Variants in PER3 observed in about 807,000 individuals in gnomAD.
PER3 encodes the protein period circadian protein homolog 3.
In PER3, 107 loss-of-function variants were observed where a neutral mutation model predicts 127.2. The ratio of observed to expected loss-of-function variants is 0.84; its 90% CI spans 0.72 to 0.99. PER3 has a LOEUF of 0.99. Ranked by LOEUF, PER3 falls within the 50% of genes least tolerant of loss-of-function variation. The probability of loss-of-function intolerance (pLI) is 0.00; values close to 1 mark genes in which losing one functional copy is unlikely to be tolerated. For synonymous variants in PER3, 618 were observed against 585.8 expected (o/e 1.05, Z -0.79); for missense variants, 1,560 against 1,525.8 (o/e 1.02, Z -0.37).
chr1:7,810,379 A>G (rs942579426), intron 12 of PER3, 59 bp from the exon 13 acceptor site: 4 of 1,227,852 alleles, frequency 3.3e-6, no homozygotes, highest in African/African-American at 3.0e-5. Context: ...TTGTTTATGT[A>G]TCTTTTAGTG....
intron 14 of PER3, 147 bp downstream of exon 14, chr1:7,819,567 C>T (rs10462018): frequency 0.13 from 90,577 of 687,684 alleles, 7,156 homozygotes; most frequent in African/African-American, 0.16. Context: ...CTAACACATA[C>T]GCTGAACATT....
chr1:7,786,337 C>T (rs2097090646), intron 3 of PER3, among the ~76,000 whole-genome samples: 2 of 152,182 alleles, frequency 1.3e-5, no homozygotes, highest in African/African-American at 4.8e-5. Flanking sequence ...AACACTTTTT[C>T]TCTCTGACAT....
intron 16 of PER3, among the ~76,000 whole-genome samples, chr1:7,822,666 T>A (rs796325845): frequency 5.3e-5 from 8 of 152,040 alleles, no homozygotes; most frequent in African/African-American, 1.9e-4. Flanking sequence ...AGGAATAGAT[T>A]AACAAAAAAG....
chr1:7,825,899 A>G (rs1319513072), intron 16 of PER3, among the ~76,000 whole-genome samples: 1 of 151,664 alleles, frequency 6.6e-6, no homozygotes, highest in East Asian at 1.9e-4. Context: ...CTCAAAAAAA[A>G]AAAAAATGAA....
At chr1:7,818,894 G>A (rs1447505833) in intron 13 of PER3, among the ~76,000 whole-genome samples, 2 of 152,212 alleles carry the variant, frequency 1.3e-5, no homozygotes, top group East Asian at 3.9e-4. Flanking sequence ...AAGATGCACA[G>A]GTCTTCCCAC....
At chr1:7,794,345 T>A (rs2097135472) in intron 6 of PER3, among the ~76,000 whole-genome samples, 1 of 151,814 alleles carries the variant, frequency 6.6e-6, no homozygotes, top group Admixed American at 6.6e-5. Flanking sequence ...ATACAAAAAT[T>A]AATTAGACGT....
intron 21 of PER3, among the ~76,000 whole-genome samples, chr1:7,841,466 G>A (rs1185854906): frequency 2.0e-5 from 3 of 152,148 alleles, no homozygotes; most frequent in African/African-American, 4.8e-5. Flanking sequence ...CCAGGAATAC[G>A]TGCCTTGTCC....
intron 6 of PER3, 152 bp downstream of exon 6, chr1:7,794,160 TGAGAA>T (rs1306987089): frequency 2.9e-6 from 2 of 698,118 alleles, no homozygotes; most frequent in Non-Finnish European, 5.2e-6. Flanking sequence ...GTATTTTGAT[TGAGAA>T]GAGACATACT....
intron 6 of PER3, among the ~76,000 whole-genome samples, chr1:7,796,372 G>A (rs932217435): frequency 1.4e-5 from 2 of 138,452 alleles, no homozygotes; most frequent in Admixed American, 8.3e-5. Context: ...AAGCTGGAGT[G>A]CAGTGGCACG....
At position 7,827,180 on chromosome 1, in the gene PER3, A is replaced by C. The variant is rs767496821; in HGVS notation, c.2251A>C (p.Lys751Gln). The C allele has an allele frequency of 1.2e-6, 2 of 1,612,900 alleles. No homozygotes were observed. The highest frequency in any genetic ancestry group is 2.7e-5 in the African/African-American group (2 of 75,046). ...CAGGAAAGGGAAGCACAAGCGGAAG[A>C]AGCTGCCGGAGCCGCCAGACAGCAG... is the stretch of plus-strand genomic sequence containing the variant. ...GCRKGKHKRK[K>Q]LPEPPDSSSS... is the part of the protein sequence containing the mutation. The change falls in exon 18 of 22, where the codon AAG (lysine) becomes CAG (glutamine). Residue 751 changes from lysine to glutamine, a missense_variant. Physicochemically the swap from Lys to Gln is moderately conservative, Grantham distance 53. Around this residue, in one of 3 missense-constraint regions of PER3, gnomAD observed 1,332 missense variants for 1,223.6 expected, o/e 1.09. Coordinates refer to ENST00000377532, the MANE Select transcript of PER3 (RefSeq NM_001377275.1).
At position 7,785,719 on chromosome 1, in the gene PER3, A is replaced by C. The variant is rs566815607; in HGVS notation, c.274+133A>C. 7 of 653,878 alleles carry C rather than the reference A, an allele frequency of 1.1e-5. No individual in the cohort carries two copies. The South Asian group carries it at 1.5e-4, about 14-fold the overall frequency. 40.5% of individuals were successfully genotyped at this position (653,878 alleles called of 1,614,324 possible). On this transcript the variant is annotated intron_variant, in intron 3 of 21. Coordinates refer to ENST00000377532, the MANE Select transcript of PER3 (RefSeq NM_001377275.1). ...TCTGGTGCTTTGTGGAAGATGAGCA[A>C]ATCTACACCGATTCCATTCGTGTCT...
intron 5 of PER3, among the ~76,000 whole-genome samples, chr1:7,790,343 GA>G (rs2150490316): frequency 6.6e-6 from 1 of 152,286 alleles, no homozygotes; most frequent in East Asian, 1.9e-4. Context: ...TGGCAGGAAG[GA>G]GAAGAATGGG....
chr1:7,805,170 G>A (rs982407930), intron 10 of PER3, among the ~76,000 whole-genome samples: 1 of 152,118 alleles, frequency 6.6e-6, no homozygotes, highest in Non-Finnish European at 1.5e-5. Flanking sequence ...GCCCAACCCT[G>A]TGGTCCATTT....
intron 1 of PER3, 129 bp downstream of exon 1, chr1:7,784,505 A>C: frequency 1.2e-5 from 2 of 160,792 alleles, no homozygotes; most frequent in Non-Finnish European, 2.7e-5. Context: ...CTTCCGAGCC[A>C]CCCGCCTCCC....
intron 2 of PER3, 108 bp from the exon 3 acceptor site, chr1:7,785,333 T>TG (rs2097081886): frequency 8.4e-6 from 7 of 834,208 alleles, no homozygotes; most frequent in Non-Finnish European, 1.4e-5. Context: ...TGTGGACTGA[T>TG]GCCGGTAGAG....
In PER3 at chr1:7,844,018, G is replaced by T; in HGVS notation, c.*1263G>T. The T allele has an allele frequency of 9.1e-7, 1 of 1,098,052 alleles. No homozygotes were observed. The highest frequency in any genetic ancestry group is 1.1e-6 in the Non-Finnish European group (1 of 872,058). The allele number at this position is 1,098,052 out of a possible 1,614,324, so 68.0% of individuals were successfully genotyped here. On this transcript the variant is annotated 3_prime_UTR_variant, in exon 22 of 22. Transcript: ENST00000377532. ...GTAACCTGTTGTCTTTATATAACTT[G>T]CAACAAACTAATTTATTTTTTTTTC... is the stretch of plus-strand genomic sequence containing the variant.
chr1:7,801,137 G>C lies in PER3; in HGVS notation c.818G>C (p.Arg273Thr). The C allele has an allele frequency of 6.2e-7, 1 of 1,606,156 alleles. No homozygotes were observed. The highest frequency in any genetic ancestry group is 1.3e-5 in the African/African-American group (1 of 74,640). ...GCTCCTCGGATCCCAGTGAATAAAA[G>C]AATCTTCACCACCACACACACCCCA... ...YEAPRIPVNK[R>T]IFTTTHTPGC... Residue 273 changes from arginine to threonine, a missense_variant, in exon 8 of 22, where the codon AGA becomes ACA. Coordinates refer to ENST00000377532, the MANE Select transcript of PER3 (RefSeq NM_001377275.1).
Position 7,809,890 on chromosome 1 carries a change from C to A in PER3, c.1243-3C>A. 1 of 1,613,554 alleles carries A rather than the reference C, an allele frequency of 6.2e-7. No homozygotes were observed. The highest frequency in any genetic ancestry group is 8.5e-7 in the Non-Finnish European group (1 of 1,179,732). On this transcript the variant is annotated splice_region_variant and splice_polypyrimidine_tract_variant and intron_variant, in intron 11 of 21. Transcript: ENST00000377532. ...CTGGACTTGTTCCTCTTTGTCCTTC[C>A]AGCCAGTTCACGTGAGCGTGTCCAG...
At chr1:7,816,198 C>G (rs2097250639) in intron 13 of PER3, among the ~76,000 whole-genome samples, 1 of 151,244 alleles carries the variant, frequency 6.6e-6, no homozygotes, top group Admixed American at 6.6e-5. Flanking sequence ...CACAAGTAAG[C>G]AATAAGAAGG....
Sources: allele counts gnomAD v4.1 joint callset (sites outside exome capture counted in the v4.1 genomes callset), GRCh38; gene constraint gnomAD v4.1.1; regional missense constraint gnomAD v4.1.1; transcripts MANE v1.5; gene names NCBI Gene and HGNC (gene_info 2026-07-23, HGNC 2026-07-21).